Variants in N4BP2L2 observed in about 807,000 individuals in gnomAD.
N4BP2L2 encodes the protein NEDD4 binding protein 2 like 2, also known as NEDD4-binding protein 2-like 2.
Under a neutral mutation model 56.2 loss-of-function variants are expected in N4BP2L2, and 50 were observed. The observed-to-expected ratio is 0.89, with a 90% CI of 0.71 to 1.13. The LOEUF (loss-of-function observed/expected upper bound fraction) is 1.13, where lower values mean the gene tolerates loss of function less well. N4BP2L2 is among the 50% of genes most tolerant of loss of function. The pLI, the probability that N4BP2L2 is intolerant of heterozygous loss-of-function variation, is 0.00. For missense variants in N4BP2L2, 689 were observed against 693.8 expected, an observed-to-expected ratio of 0.99 and a Z score of 0.08; for synonymous variants, 203 against 223.6, an observed-to-expected ratio of 0.91 and a Z score of 0.82.
chr13:32,481,944 A>G (rs966205190), intron 6 of N4BP2L2, among the ~76,000 whole-genome samples: 1 of 152,156 alleles, frequency 6.6e-6, no homozygotes, highest in African/African-American at 2.4e-5. Context: ...TACAGTTCAA[A>G]ATTTAAGTAT....
chr13:32,443,688 G>A (rs774879000), exon 7 of N4BP2L2: 1 of 1,605,882 alleles, frequency 6.2e-7, no homozygotes, highest in Non-Finnish European at 8.5e-7. Context: ...TTGTTACACA[G>A]GAAAGGTTTT....
intron 6 of N4BP2L2, among the ~76,000 whole-genome samples, chr13:32,465,843 A>G (rs1178463641): frequency 6.6e-6 from 1 of 152,006 alleles, no homozygotes; most frequent in East Asian, 1.9e-4. Context: ...TAGTGGAGAC[A>G]GGGTTTCACC....
intron 6 of N4BP2L2, among the ~76,000 whole-genome samples, chr13:32,492,953 C>T (rs1244469404): frequency 8.1e-6 from 1 of 124,064 alleles, no homozygotes; most frequent in Non-Finnish European, 1.6e-5. Flanking sequence ...GAGTCTCACT[C>T]ACTCTGTCGC....
At chr13:32,479,524 G>A (rs571575215) in intron 6 of N4BP2L2, among the ~76,000 whole-genome samples, 17 of 151,436 alleles carry the variant, frequency 1.1e-4, no homozygotes, top group African/African-American at 2.9e-4. Context: ...CTCGTGATCC[G>A]CCTGCCTTGA....
At chr13:32,474,452 G>C (rs563136998) in intron 6 of N4BP2L2, among the ~76,000 whole-genome samples, 1 of 152,132 alleles carries the variant, frequency 6.6e-6, no homozygotes, top group African/African-American at 2.4e-5. Context: ...CACTTTGGGA[G>C]GCCGAGGTGG....
chr13:32,433,260 T>A (rs971629394), intron 9 of N4BP2L2, among the ~76,000 whole-genome samples: 1 of 152,232 alleles, frequency 6.6e-6, no homozygotes, highest in South Asian at 2.1e-4. Context: ...TTCATGCAAA[T>A]GTGTTAACAT....
intron 1 of N4BP2L2, 87 bp from the exon 2 acceptor site, chr13:32,537,114 GAC>G (rs2056743881): frequency 2.8e-5 from 27 of 952,268 alleles, no homozygotes; most frequent in Non-Finnish European, 3.9e-5. Flanking sequence ...ATTAGACAAA[GAC>G]ATTTAAATTT....
chr13:32,535,961 A>C (rs774462147), exon 2 of N4BP2L2: 1 of 1,613,946 alleles, frequency 6.2e-7, no homozygotes, highest in Non-Finnish European at 8.5e-7. Context: ...TCGATCTTGC[A>C]TACTGCAGCC....
At chr13:32,532,637 C>T (rs994375177) in intron 2 of N4BP2L2, among the ~76,000 whole-genome samples, 8 of 145,724 alleles carry the variant, frequency 5.5e-5, no homozygotes, top group East Asian at 2.0e-4. Flanking sequence ...GTTGCCCAGG[C>T]TGGAGTGCAG....
intron 2 of N4BP2L2, among the ~76,000 whole-genome samples, chr13:32,528,409 G>A (rs2053700461): frequency 6.6e-6 from 1 of 152,126 alleles, no homozygotes; most frequent in African/African-American, 2.4e-5. Flanking sequence ...AACTTAAGTC[G>A]TTAAATGAAA....
At chr13:32,490,280 T>A (rs2139318132) in intron 6 of N4BP2L2, 1 of 152,666 alleles carries the variant, frequency 6.6e-6, no homozygotes, top group Admixed American at 6.5e-5. Context: ...AGGTGGGCAG[T>A]GGAAGCTACT....
At chr13:32,441,864 A>G (rs1349083046) in intron 7 of N4BP2L2, among the ~76,000 whole-genome samples, 1 of 149,578 alleles carries the variant, frequency 6.7e-6, no homozygotes, top group Non-Finnish European at 1.5e-5. Flanking sequence ...TAACATGGTG[A>G]AACCTCGTCT....
rs756659840 is a variant in N4BP2L2 at position 32,527,482 on chromosome 13, T to C, written c.1310A>G (p.Tyr437Cys). Residue 437 changes from tyrosine to cysteine, a missense_variant, in exon 3 of 6, where the codon TAT (tyrosine) becomes TGT (cysteine). Transcript: ENST00000267068. The stretch of plus-strand genomic sequence containing the variant: ...CCTGTACCCATCTTGATGGTGAAAA[T>C]AGTCATCAGTGCTGAACACAATGCC... 3.5e-5 allele frequency: 56 copies of C among 1,613,850 alleles called. No homozygotes were observed. The highest frequency in any genetic ancestry group is 4.5e-5 in the East Asian group (2 of 44,846).
chr13:32,536,368 T>C (rs747696007), exon 2 of N4BP2L2: 8 of 1,614,036 alleles, frequency 5.0e-6, no homozygotes, highest in Non-Finnish European at 5.9e-6. Context: ...GATCTTTCTT[T>C]TCTTCATCAG....
chr13:32,462,346 G>A (rs1462705860), intron 6 of N4BP2L2, among the ~76,000 whole-genome samples: 7 of 152,162 alleles, frequency 4.6e-5, no homozygotes, highest in Non-Finnish European at 1.0e-4. Flanking sequence ...GGCACAGAAA[G>A]ACAAGTATCA....
At chr13:32,442,608 A>C in exon 7 of N4BP2L2, 1 of 1,613,934 alleles carries the variant, frequency 6.2e-7, no homozygotes, top group Non-Finnish European at 8.5e-7. Flanking sequence ...TATCAGGATG[A>C]CTATGTAAAA....
At chr13:32,436,345 A>C in intron 9 of N4BP2L2, 1 of 1,198,920 alleles carries the variant, frequency 8.3e-7, no homozygotes, top group Non-Finnish European at 1.2e-6. Context: ...AGGTCTCTAG[A>C]ATAAGTCATA....
chr13:32,501,864 C>T (rs188203636), intron 6 of N4BP2L2, among the ~76,000 whole-genome samples: 5 of 151,392 alleles, frequency 3.3e-5, no homozygotes, highest in Admixed American at 6.6e-5. Flanking sequence ...GAAATATCAA[C>T]ATAATTAGAT....
chr13:32,468,091 A>C (rs1003706507), intron 6 of N4BP2L2, among the ~76,000 whole-genome samples: 1 of 152,134 alleles, frequency 6.6e-6, no homozygotes, highest in African/African-American at 2.4e-5. Context: ...GCAATGAGAG[A>C]TATGCATTCA....
Sources: gnomAD v4.1 joint callset for allele counts (sites outside exome capture counted in the v4.1 genomes callset) on GRCh38, gnomAD v4.1.1 for gene constraint, MANE v1.5 for transcripts, NCBI Gene and HGNC (gene_info 2026-07-23, HGNC 2026-07-21) for gene names.